Variants in TPCN1 observed in about 807,000 individuals in gnomAD.
TPCN1 encodes two pore segment channel 1, also known as two pore channel protein 1.
A neutral mutation model predicts 108.8 loss-of-function variants in TPCN1; 52 were observed. The ratio of observed to expected loss-of-function variants is 0.48; its 90% confidence interval spans 0.38 to 0.60. The LOEUF is 0.60. TPCN1 is among the 20% of genes least tolerant of loss of function. The pLI is 0.00. For missense variants in TPCN1, 806 were observed against 1,072.8 expected (o/e 0.75, Z 3.47); for synonymous variants, 446 against 433.7 (o/e 1.03, Z -0.35).
At chr12:113,287,273 G>A (rs1000006454) in intron 19 of TPCN1, 179 bp downstream of exon 19, 20 of 599,232 alleles carry the variant, frequency 3.3e-5, no homozygotes, top group Non-Finnish European at 5.0e-5. Context: ...TGTGCAGGCT[G>A]CCTGTGCCCT....
In TPCN1 at chr12:113,277,000, A is replaced by G; in HGVS notation, c.1024A>G (p.Ile342Val). 1 of 1,614,082 alleles carries G rather than the reference A, an allele frequency of 6.2e-7. No homozygotes were observed. Among genetic ancestry groups the G allele is most frequent in the Middle Eastern group, 1.7e-4 (1 of 6,046 alleles). The change falls in exon 11 of 28, where the codon ATC becomes GTC. Residue 342 changes from isoleucine to valine, a missense_variant. Physicochemically the swap from Ile to Val is conservative, Grantham distance 29. Transcript: ENST00000335509. The stretch of plus-strand genomic sequence containing the variant: ...TTTGCTACTGCACAAGCGAACCGCT[A>G]TCCAGCATGCCTACCGCCTGCTCAT... The part of the protein sequence containing the change: ...KSLLLHKRTA[I>V]QHAYRLLISQ...
At chr12:113,286,454 G>GGCCGCGAGGGTGAGCGGGTTAACACGC (rs1555270112) in intron 18 of TPCN1, among the ~76,000 whole-genome samples, 2 of 152,022 alleles carry the variant, frequency 1.3e-5, no homozygotes, top group Non-Finnish European at 1.5e-5. Context: ...ACGCAGAGCG[G>GGCCGCGAGGGTGAGCGGGTTAACACGC]AGTTGGGAGG....
At position 113,279,357 on chromosome 12, in the gene TPCN1, GTGTATATATATATATA is replaced by G. The variant is rs764964667; in HGVS notation, c.1297+524_1297+539del. On this transcript the variant is annotated intron_variant, in intron 14 of 27. Coordinates refer to ENST00000335509, the MANE Select transcript of TPCN1 (RefSeq NM_017901.6). ...TGTGTGTATATATATGTGTGTGTGTGTGTATATATATATATATATATATATATATATATATTTTTTT... is the reference window on the plus strand; with the variant it reads ...TGTGTGTATATATATGTGTGTGTGTGTATATATATATATATATATTTTTTT... 4.4e-3 allele frequency among the ~76,000 whole-genome samples: 288 copies of G among 65,998 alleles called. 6 individuals carry two copies. The highest frequency in any genetic ancestry group is 0.019 in the Middle Eastern group (2 of 106). 43.3% of individuals were successfully genotyped at this position (65,998 alleles called of 152,430 possible).
chr12:113,238,434 C>G (rs543442043), intron 2 of TPCN1, among the ~76,000 whole-genome samples: 1 of 152,310 alleles, frequency 6.6e-6, no homozygotes, highest in African/African-American at 2.4e-5. Flanking sequence ...GACCCCTGCT[C>G]CTTGGCCTGG....
chr12:113,273,518 A>T lies in TPCN1; in HGVS notation c.843-51A>T. On this transcript the variant is annotated intron_variant, in intron 9 of 27. Coordinates refer to ENST00000335509, the MANE Select transcript of TPCN1 (RefSeq NM_017901.6). The surrounding 1 kb of genome is among the most constrained non-coding windows in gnomAD (Gnocchi z 4.0). ...TCCTCTGCAAGGCATGTGCTCTGAG[A>T]GGATGGAGACAGGCAGATACAGCAC... 6.9e-7 allele frequency: 1 copy of T among 1,449,014 alleles called. No individual in the cohort carries two copies. The highest frequency in any genetic ancestry group is 9.7e-7 in the Non-Finnish European group (1 of 1,030,112). The allele number at this position is 1,449,014 out of a possible 1,614,324, so 89.8% of individuals were successfully genotyped here. A position where few individuals can be genotyped will look rare whatever the true frequency, so the allele number is the denominator to read the frequency against.
rs1388699698 is a variant in TPCN1 at position 113,291,865 on chromosome 12, C to T, written c.2029-9C>T. The T allele has an allele frequency of 1.1e-5, 17 of 1,612,894 alleles. No individual in the cohort carries two copies. Among genetic ancestry groups the T allele is most frequent in the Non-Finnish European group, 1.4e-5 (17 of 1,178,896 alleles). On this transcript the variant is annotated splice_polypyrimidine_tract_variant and intron_variant, in intron 24 of 27. Coordinates refer to ENST00000335509, the MANE Select transcript of TPCN1 (RefSeq NM_017901.6). Reference sequence around the variant, plus strand: ...CTGCCTCTGCCCCTCCCTCCCTATCCCTGGCCAGGTGGTGATGACGATCAT... The same window carrying T: ...CTGCCTCTGCCCCTCCCTCCCTATCTCTGGCCAGGTGGTGATGACGATCAT...
chr12:113,231,985 C>G lies in TPCN1; in HGVS notation c.112+5021C>G, dbSNP rs1953702910. On this transcript the variant is annotated intron_variant, in intron 2 of 27. Coordinates refer to ENST00000335509, the MANE Select transcript of TPCN1 (RefSeq NM_017901.6). The surrounding 1 kb of genome is among the most constrained non-coding windows in gnomAD (Gnocchi z 4.3). Reference sequence around the variant, plus strand: ...GTAGTGGGCAGTCCAAGGAATTTCCCAGGGTAACTCTGGTCACACTCAGCT... The same window carrying G: ...GTAGTGGGCAGTCCAAGGAATTTCCGAGGGTAACTCTGGTCACACTCAGCT... 6.6e-6 allele frequency among the ~76,000 whole-genome samples: 1 copy of G among 152,176 alleles called. No individual in the cohort carries two copies. The highest frequency in any genetic ancestry group is 2.4e-5 in the African/African-American group (1 of 41,444).
chr12:113,265,290 C>T (rs1014366345), intron 3 of TPCN1, among the ~76,000 whole-genome samples: 3 of 152,222 alleles, frequency 2.0e-5, no homozygotes, highest in African/African-American at 7.2e-5. Flanking sequence ...CACCTTTCCT[C>T]TTCACAACAG....
chr12:113,224,207 T>G (rs938257389), intron 1 of TPCN1, among the ~76,000 whole-genome samples: 1 of 152,162 alleles, frequency 6.6e-6, no homozygotes, highest in African/African-American at 2.4e-5. Flanking sequence ...TTGGCTTTTA[T>G]TTAGCTGTGG....
chr12:113,288,187 C>A lies in TPCN1; in HGVS notation c.1659C>A (p.Tyr553Ter). The A allele has an allele frequency of 6.2e-7, 1 of 1,613,844 alleles. No homozygotes were observed. The highest frequency in any genetic ancestry group is 8.5e-7 in the Non-Finnish European group (1 of 1,179,874). Residue 553 changes from tyrosine (Y) to a stop codon, truncating the protein, a stop_gained, in exon 20 of 28, where the codon TAC becomes TAA. Coordinates refer to ENST00000335509, the MANE Select transcript of TPCN1 (RefSeq NM_017901.6). LOFTEE classifies it high-confidence loss of function. This position sits in a 1 kb window ranked among gnomAD's most constrained non-coding sequence, Gnocchi z 4.8. ...LLRLFKLKERYRNVLDTMFEL... is the reference protein window; with the variant it reads ...LLRLFKLKER ...GGTTGTTTAAGTTGAAGGAGCGCTACCGCAACGTGCTGGACACCATGTTCG... is the reference window on the plus strand; with the variant it reads ...GGTTGTTTAAGTTGAAGGAGCGCTAACGCAACGTGCTGGACACCATGTTCG...
At position 113,260,353 on chromosome 12, in the gene TPCN1, C is replaced by G; in HGVS notation, c.113-15C>G. On this transcript the variant is annotated splice_polypyrimidine_tract_variant and intron_variant, in intron 2 of 27. Coordinates refer to ENST00000335509, the MANE Select transcript of TPCN1 (RefSeq NM_017901.6). ...GCCTGGGTGCCAAGTGAATCTCTCT[C>G]CTCTTCCAATGCAGATGGCGGCAGC... The G allele has an allele frequency of 1.3e-6, 2 of 1,486,952 alleles. No homozygotes were observed. Among genetic ancestry groups the G allele is most frequent in the Non-Finnish European group, 1.8e-6 (2 of 1,120,686 alleles). 92.1% of individuals were successfully genotyped at this position (1,486,952 alleles called of 1,614,324 possible). A position where few individuals can be genotyped will look rare whatever the true frequency, so the allele number is the denominator to read the frequency against.
At chr12:113,246,102 GTC>G (rs1305532707) in intron 2 of TPCN1, 2 of 450,410 alleles carry the variant, frequency 4.4e-6, no homozygotes, top group Admixed American at 4.7e-5. Flanking sequence ...GCACCGGGAT[GTC>G]TCTCCTGCTT....
chr12:113,295,490 T>C (rs1440315140), intron 27 of TPCN1, among the ~76,000 whole-genome samples: 1 of 150,928 alleles, frequency 6.6e-6, no homozygotes, highest in Non-Finnish European at 1.5e-5. Flanking sequence ...CTTAATTCCT[T>C]AATTACCTGA....
chr12:113,240,872 G>A (rs191057884), intron 2 of TPCN1, among the ~76,000 whole-genome samples: 11 of 151,536 alleles, frequency 7.3e-5, no homozygotes, highest in African/African-American at 1.9e-4. Context: ...TCAGCTTCCC[G>A]AGTAGCTGGG....
rs984882956 is a variant in TPCN1, at chr12:113,272,976, C to T, written c.784-256C>T. 2.0e-5 allele frequency among the ~76,000 whole-genome samples: 3 copies of T among 152,180 alleles called. No homozygotes were observed. The highest frequency in any genetic ancestry group is 2.9e-5 in the Non-Finnish European group (2 of 68,036). On this transcript the variant is annotated intron_variant, in intron 8 of 27. Transcript: ENST00000335509. The surrounding 1 kb of genome is among the most constrained non-coding windows in gnomAD (Gnocchi z 4.1). The stretch of plus-strand genomic sequence containing the variant: ...AGAGGAGCAGTGGGGGAGAGCCAGG[C>T]GAATGGCCCAGACATGTGACTCCCT...
chr12:113,293,078 G>A lies in TPCN1; in HGVS notation c.2253+5G>A. On this transcript the variant is annotated splice_donor_5th_base_variant and intron_variant, in intron 26 of 27. Transcript: ENST00000335509. ...TCCCAGATGGAGAGATACCAGGTGA[G>A]GAGCCCAGGCCCTGGTCCGAAGGAG... The A allele has an allele frequency of 1.2e-6, 2 of 1,610,598 alleles. No homozygotes were observed. The highest frequency in any genetic ancestry group is 1.7e-6 in the Non-Finnish European group (2 of 1,178,496).
rs368062982 is a variant in TPCN1, at chr12:113,293,032, A to G, written c.2212A>G (p.Thr738Ala). Residue 738 changes from threonine to alanine, a missense_variant, in exon 26 of 28, where the codon ACC becomes GCC. Coordinates refer to ENST00000335509, the MANE Select transcript of TPCN1 (RefSeq NM_017901.6). ...GGCACGGGGGGCCTCCTCGGATGTC[A>G]CCAGGCTGCTGGAGACCCTCTCCCA... The part of the protein sequence containing the change: ...REARGASSDV[T>A]RLLETLSQME... The G allele has an allele frequency of 3.5e-5, 56 of 1,612,996 alleles. No individual in the cohort carries two copies.
At chr12:113,254,019 AGCT>A (rs897158165) in intron 2 of TPCN1, among the ~76,000 whole-genome samples, 2 of 152,220 alleles carry the variant, frequency 1.3e-5, no homozygotes, top group African/African-American at 4.8e-5. Flanking sequence ...TCTGGTGGCA[AGCT>A]GCTAGGGGCC....
chr12:113,296,016 TGCAGCCCCCGCCGCCCA>T lies in TPCN1; in HGVS notation c.2401_2417del (p.Ala801ArgfsTer23), dbSNP rs1956414956. On this transcript the variant is annotated frameshift_variant, in exon 28 of 28. Coordinates refer to ENST00000335509, the MANE Select transcript of TPCN1 (RefSeq NM_017901.6). LOFTEE classifies it high-confidence loss of function. ...AGCAGCAGCGACAACTCAGCAGCAG[TGCAGCCCCCGCCGCCCA>T]GCAGCCCCCAGGCAGCCGCCAGCGC... 1 of 1,612,984 alleles carries T rather than the reference TGCAGCCCCCGCCGCCCA, an allele frequency of 6.2e-7. No individual in the cohort carries two copies. The highest frequency in any genetic ancestry group is 8.5e-7 in the Non-Finnish European group (1 of 1,179,820).
Sources: gnomAD v4.1 joint callset for allele counts (sites outside exome capture counted in the v4.1 genomes callset) on GRCh38, gnomAD v4.1.1 for gene constraint, Gnocchi (gnomAD v3.1) non-coding constraint, MANE v1.5 for transcripts, NCBI Gene and HGNC (gene_info 2026-07-23, HGNC 2026-07-21) for gene names.